PDE1A: variants seen among roughly 807,000 people sequenced by gnomAD.
PDE1A encodes phosphodiesterase 1A.
A neutral mutation model predicts 61.7 loss-of-function variants in PDE1A; 35 were observed. The ratio of observed to expected loss-of-function variants is 0.57; its 90% CI spans 0.43 to 0.75. PDE1A has a LOEUF of 0.75. PDE1A is among the 30% of genes least tolerant of loss of function. The pLI is 0.00. For missense variants in PDE1A, 597 were observed against 630.6 expected, an observed-to-expected ratio of 0.95 and a Z score of 0.57; for synonymous variants, 232 against 213.2, an observed-to-expected ratio of 1.09 and a Z score of -0.77.
At chr2:182,360,246 A>G (rs1699422227) in intron 1 of PDE1A, among the ~76,000 whole-genome samples, 1 of 152,098 alleles carries the variant, frequency 6.6e-6, no homozygotes, top group Admixed American at 6.6e-5. Flanking sequence ...TCTGATGTGG[A>G]AGAACTGTTG....
At chr2:182,419,781 T>A (rs1287303422) in intron 1 of PDE1A, among the ~76,000 whole-genome samples, 1 of 152,152 alleles carries the variant, frequency 6.6e-6, no homozygotes, top group East Asian at 1.9e-4. Flanking sequence ...ATGCCTTTTG[T>A]TTCGCACCTA....
intron 1 of PDE1A, among the ~76,000 whole-genome samples, chr2:182,379,276 A>G (rs1700590853): frequency 6.6e-6 from 1 of 152,244 alleles, no homozygotes; most frequent in South Asian, 2.1e-4. Flanking sequence ...CAATCACAAA[A>G]GTCCTGCAAT....
At chr2:182,389,299 C>T (rs1448378040) in intron 1 of PDE1A, among the ~76,000 whole-genome samples, 3 of 151,958 alleles carry the variant, frequency 2.0e-5, no homozygotes, top group African/African-American at 7.3e-5. Flanking sequence ...GAACAGACAA[C>T]CTATAGAATG....
intron 2 of PDE1A, among the ~76,000 whole-genome samples, chr2:182,485,612 A>C (rs1361865810): frequency 6.6e-6 from 1 of 152,084 alleles, no homozygotes; most frequent in African/African-American, 2.4e-5. Flanking sequence ...GTAGCAAACC[A>C]AATCTAACAA....
intron 2 of PDE1A, among the ~76,000 whole-genome samples, chr2:182,257,170 C>A (rs532369453): frequency 5.3e-5 from 8 of 152,138 alleles, no homozygotes; most frequent in African/African-American, 7.2e-5. Context: ...CATGCCTTGC[C>A]TTAAATACTC....
At chr2:182,375,421 A>T (rs1422132780) in intron 1 of PDE1A, among the ~76,000 whole-genome samples, 1 of 152,198 alleles carries the variant, frequency 6.6e-6, no homozygotes, top group Non-Finnish European at 1.5e-5. Flanking sequence ...GAAATCTTCC[A>T]GGACAGTCAA....
chr2:182,454,074 AG>A (rs1442525679), intron 2 of PDE1A, among the ~76,000 whole-genome samples: 2 of 152,160 alleles, frequency 1.3e-5, no homozygotes, highest in African/African-American at 2.4e-5. Context: ...GCAAAGTCTC[AG>A]GATACAAAAT....
At chr2:182,453,993 T>C (rs987019388) in intron 2 of PDE1A, among the ~76,000 whole-genome samples, 9 of 151,980 alleles carry the variant, frequency 5.9e-5, no homozygotes, top group South Asian at 2.1e-4. Context: ...TGTTTGCAGA[T>C]GACATGACTG....
chr2:182,362,512 C>T lies in PDE1A; in HGVS notation c.53+64066G>A, dbSNP rs566654731. 5.9e-5 allele frequency among the ~76,000 whole-genome samples: 9 copies of T among 152,054 alleles called. No individual in the cohort carries two copies. The South Asian group carries it at 1.4e-3, about 24-fold the overall frequency. ...CTGAGAGGGTTCCCAGGACAAAGGA[C>T]TTTCATGTTAAAACCAAGAAACTCC... On this transcript the variant is annotated intron_variant, in intron 1 of 13. Transcript: ENST00000351439.
chr2:182,493,582 C>A (rs1688530946), intron 2 of PDE1A, among the ~76,000 whole-genome samples: 3 of 152,096 alleles, frequency 2.0e-5, no homozygotes, highest in Non-Finnish European at 2.9e-5. Context: ...TGGGTATATA[C>A]CCAAAGGATT....
chr2:182,174,071 T>C (rs1055284289), intron 13 of PDE1A, among the ~76,000 whole-genome samples: 1 of 152,042 alleles, frequency 6.6e-6, no homozygotes, highest in Non-Finnish European at 1.5e-5. Context: ...ACCCGTGAGA[T>C]AAAACTACAG....
At chr2:182,415,359 C>T (rs892619031) in intron 1 of PDE1A, among the ~76,000 whole-genome samples, 1 of 151,994 alleles carries the variant, frequency 6.6e-6, no homozygotes, top group Non-Finnish European at 1.5e-5. Context: ...TAAAATAAAA[C>T]AATGAATTTT....
chr2:182,224,083 T>C (rs1471259720), intron 6 of PDE1A, 119 bp from the exon 7 acceptor site: 3 of 634,656 alleles, frequency 4.7e-6, no homozygotes, highest in Non-Finnish European at 8.0e-6. Context: ...TTTTCATTTC[T>C]TTTAATTTGT....
intron 2 of PDE1A, among the ~76,000 whole-genome samples, chr2:182,481,336 T>C (rs1350559061): frequency 6.6e-6 from 1 of 151,854 alleles, no homozygotes. Context: ...CTTCAACAAG[T>C]GAACCTCCCT....
intron 1 of PDE1A, among the ~76,000 whole-genome samples, chr2:182,408,875 G>C (rs1284281731): frequency 6.6e-6 from 1 of 152,178 alleles, no homozygotes; most frequent in Non-Finnish European, 1.5e-5. Flanking sequence ...AGGAAACTGG[G>C]GGATCAGCTA....
chr2:182,361,565 T>C (rs575563713), intron 1 of PDE1A, among the ~76,000 whole-genome samples: 2 of 152,208 alleles, frequency 1.3e-5, no homozygotes, highest in African/African-American at 4.8e-5. Context: ...TTTCCTTTAA[T>C]TTCTACACAC....
chr2:182,615,470 A>G, the PDE1A span, among the ~76,000 whole-genome samples: 1 of 152,198 alleles, frequency 6.6e-6, no homozygotes, highest in South Asian at 2.1e-4. Flanking sequence ...AAAAACCCAG[A>G]AACAATATAA....
intron 1 of PDE1A, among the ~76,000 whole-genome samples, chr2:182,282,187 C>T (rs1693855031): frequency 6.6e-6 from 1 of 151,962 alleles, no homozygotes; most frequent in Non-Finnish European, 1.5e-5. Context: ...ATTCCACTCA[C>T]TTATCCTCAC....
At chr2:182,344,629 C>T (rs1438136951) in intron 1 of PDE1A, among the ~76,000 whole-genome samples, 1 of 152,072 alleles carries the variant, frequency 6.6e-6, no homozygotes, top group Non-Finnish European at 1.5e-5. Context: ...CTATCTTTAC[C>T]TTTGCAAGAT....
Sources: gnomAD v4.1 joint callset for allele counts (sites outside exome capture counted in the v4.1 genomes callset) on GRCh38, gnomAD v4.1.1 for gene constraint, MANE v1.5 for transcripts, NCBI Gene and HGNC (gene_info 2026-07-23, HGNC 2026-07-21) for gene names.